NSMCE4A: variants seen among roughly 807,000 people sequenced by gnomAD.
NSMCE4A encodes the protein non-structural maintenance of chromosomes element 4 homolog A.
A neutral mutation model predicts 47.9 loss-of-function variants in NSMCE4A; 40 were observed. That is an observed-to-expected ratio of 0.83 (90% CI 0.65 to 1.09). The LOEUF (loss-of-function observed/expected upper bound fraction) is 1.09. Among genes scored for constraint, NSMCE4A ranks in the 50% least tolerant of loss-of-function variants. The pLI, the probability that NSMCE4A is intolerant of heterozygous loss-of-function variation, is 0.00. For synonymous variants in NSMCE4A, 166 were observed against 178.5 expected, an observed-to-expected ratio of 0.93 and a Z score of 0.56; for missense variants, 500 against 507.0, an observed-to-expected ratio of 0.99 and a Z score of 0.13.
intron 10 of NSMCE4A, among the ~76,000 whole-genome samples, chr10:121,958,442 T>C (rs1390981834): frequency 6.6e-6 from 1 of 152,238 alleles, no homozygotes; most frequent in Non-Finnish European, 1.5e-5. Context: ...AATTCTTTCA[T>C]AGCCTAATAC....
At chr10:121,974,367 CA>C in intron 1 of NSMCE4A, 1 of 1,163,154 alleles carries the variant, frequency 8.6e-7, no homozygotes, top group Non-Finnish European at 1.1e-6. Flanking sequence ...GAGTGGTTCT[CA>C]AACTTTGCAA....
chr10:121,972,466 T>G (rs113203043), intron 2 of NSMCE4A, among the ~76,000 whole-genome samples: 15 of 152,314 alleles, frequency 9.8e-5, no homozygotes, highest in African/African-American at 3.6e-4. Context: ...TTCATTTATT[T>G]ATTTATTTTA....
rs974845288 is a variant in NSMCE4A at position 121,967,761 on chromosome 10, G to T, written c.547C>A (p.Arg183Ser). 1.2e-6 allele frequency: 2 copies of T among 1,613,928 alleles called. No homozygotes were observed. The highest frequency in any genetic ancestry group is 4.5e-5 in the East Asian group (2 of 44,864). Residue 183 changes from arginine to serine, a missense_variant, in exon 4 of 11, where the codon CGT (arginine) becomes AGT (serine). Arg to Ser is a moderately radical substitution (Grantham distance 110). Transcript: ENST00000369023. ...VNPLEAEELI[R>S]DEDSPDFEFI... ...TCAAAATCAGGACTATCTTCATCAC[G>T]GATGAGTTCTTCAGCTTCTAGCGGA...
chr10:121,964,201 G>A (rs1952561199), intron 5 of NSMCE4A, among the ~76,000 whole-genome samples: 1 of 140,778 alleles, frequency 7.1e-6, no homozygotes, highest in Non-Finnish European at 1.5e-5. Context: ...GGAGTGCAGT[G>A]GTGCCATCTC....
intron 3 of NSMCE4A, among the ~76,000 whole-genome samples, chr10:121,969,301 C>T (rs1263905147): frequency 6.6e-6 from 1 of 152,066 alleles, no homozygotes; most frequent in Non-Finnish European, 1.5e-5. Flanking sequence ...TGCCACTGCA[C>T]TCCAGCCTGG....
At chr10:121,963,590 C>T (rs1379135947) in intron 5 of NSMCE4A, among the ~76,000 whole-genome samples, 2 of 133,506 alleles carry the variant, frequency 1.5e-5, no homozygotes, top group Non-Finnish European at 1.7e-5. Flanking sequence ...ACCACTACAC[C>T]TGGCTAATTT....
intron 5 of NSMCE4A, among the ~76,000 whole-genome samples, chr10:121,964,434 C>CTGTG (rs1181981117): frequency 4.6e-5 from 7 of 150,736 alleles, no homozygotes; most frequent in South Asian, 2.1e-4. Context: ...GCGTAAGCCA[C>CTGTG]CACACTCGGG....
chr10:121,965,213 A>C, intron 5 of NSMCE4A, 73 bp downstream of exon 5: 4 of 1,085,284 alleles, frequency 3.7e-6, no homozygotes, highest in South Asian at 1.5e-5. Context: ...AAATGGCCAA[A>C]TTGCATGCAC....
Position 121,965,363 on chromosome 10 carries a change from A to T in NSMCE4A, c.676T>A (p.Cys226Ser). 2.5e-6 allele frequency: 4 copies of T among 1,613,658 alleles called. No homozygotes were observed. The highest frequency in any genetic ancestry group is 2.5e-6 in the Non-Finnish European group (3 of 1,179,770). Residue 226 changes from cysteine (C) to serine (S), a missense_variant, in exon 5 of 11, where the codon TGC becomes AGC. Coordinates refer to ENST00000369023, the MANE Select transcript of NSMCE4A (RefSeq NM_017615.3). The part of the protein sequence containing the change: ...HFLLGSIYGE[C>S]PVPKPRVDRP... ...TCAACTCGTGGCTTTGGCACAGGGC[A>T]CTCTCCGTATATTGAACCCAACCTA... is the stretch of plus-strand genomic sequence containing the variant.
rs1279671454 is a variant in NSMCE4A at position 121,971,306 on chromosome 10, C to T, written c.371-237G>A. ...CGGGCGGATCACGAGGTCAGGAGATCGAGACCATCCTGGCTAACACGGTGA... is the reference window on the plus strand; with the variant it reads ...CGGGCGGATCACGAGGTCAGGAGATTGAGACCATCCTGGCTAACACGGTGA... On this transcript the variant is annotated intron_variant, in intron 2 of 10. Transcript: ENST00000369023. 7.2e-5 allele frequency among the ~76,000 whole-genome samples: 11 copies of T among 151,918 alleles called. No individual in the cohort carries two copies. In the East Asian group the frequency reaches 1.4e-3, roughly 19 times the overall value.
chr10:121,966,661 A>G (rs1368711307), intron 4 of NSMCE4A: 1 of 152,206 alleles, frequency 6.6e-6, no homozygotes, highest in Non-Finnish European at 1.5e-5. Context: ...AATGGTTTTT[A>G]GAAAGACAAA....
chr10:121,968,885 G>C (rs1952653892), intron 3 of NSMCE4A, among the ~76,000 whole-genome samples: 1 of 152,038 alleles, frequency 6.6e-6, no homozygotes, highest in African/African-American at 2.4e-5. Flanking sequence ...TGGCAGTTTT[G>C]GTCTGTTTAA....
At chr10:121,963,132 G>A (rs1438120037) in intron 6 of NSMCE4A, 106 bp downstream of exon 6, 1 of 529,972 alleles carries the variant, frequency 1.9e-6, no homozygotes, top group South Asian at 3.9e-5. Flanking sequence ...AAATGCATAT[G>A]TATTTATTCA....
chr10:121,974,172 C>A, intron 1 of NSMCE4A, 91 bp from the exon 2 acceptor site: 1 of 1,358,526 alleles, frequency 7.4e-7, no homozygotes, highest in Non-Finnish European at 1.0e-6. Flanking sequence ...TAAAGCCAAG[C>A]CCCGGCCCCT....
rs1952789208 is a variant in NSMCE4A, at chr10:121,974,918, C to A, written c.248G>T (p.Arg83Leu). 4.6e-6 allele frequency: 7 copies of A among 1,529,204 alleles called. No individual in the cohort carries two copies. The highest frequency in any genetic ancestry group is 1.8e-6 in the Non-Finnish European group (2 of 1,140,804). 94.7% of individuals were successfully genotyped at this position (1,529,204 alleles called of 1,614,324 possible). ...LEAEADQGLC[R>L]QIRHQYRALI... ...CGCCCGGTACTGATGGCGGATCTGG[C>A]GGCACAGGCCTTGGTCGGCCTCCGC... is the stretch of plus-strand genomic sequence containing the variant. The change falls in exon 1 of 11, where the codon CGC (arginine) becomes CTC (leucine). Residue 83 changes from arginine to leucine, a missense_variant. By Grantham distance (102) the Arg-to-Leu change is moderately radical. Coordinates refer to ENST00000369023, the MANE Select transcript of NSMCE4A (RefSeq NM_017615.3).
At chr10:121,966,771 C>T (rs1952614485) in intron 4 of NSMCE4A, 1 of 152,198 alleles carries the variant, frequency 6.6e-6, no homozygotes, top group Non-Finnish European at 1.5e-5. Context: ...AACCAGTATA[C>T]TTGAAGGTCC....
chr10:121,971,170 TAAAAA>T, intron 2 of NSMCE4A, 101 bp from the exon 3 acceptor site: 1 of 671,552 alleles, frequency 1.5e-6, no homozygotes, highest in Non-Finnish European at 2.2e-6. Context: ...CCCACTGGAC[TAAAAA>T]AAAAAAAAAA....
intron 1 of NSMCE4A, 103 bp downstream of exon 1, chr10:121,974,771 G>T: frequency 4.2e-6 from 5 of 1,182,688 alleles, no homozygotes; most frequent in Non-Finnish European, 5.2e-6. Flanking sequence ...CGCCGCGCCG[G>T]GCCTCCGCCC....
intron 4 of NSMCE4A, 189 bp downstream of exon 4, chr10:121,967,466 G>A (rs1952628206): frequency 1.2e-5 from 7 of 566,196 alleles, no homozygotes; most frequent in Non-Finnish European, 9.0e-6. Flanking sequence ...CCAAAGTGCC[G>A]GGATTACAGG....
Sources: gnomAD v4.1 joint callset for allele counts (sites outside exome capture counted in the v4.1 genomes callset) on GRCh38, gnomAD v4.1.1 for gene constraint, MANE v1.5 for transcripts, NCBI Gene and HGNC (gene_info 2026-07-23, HGNC 2026-07-21) for gene names.